Variants in CDH12 observed in about 807,000 individuals in gnomAD.
The protein encoded by CDH12 is cadherin 12.
A neutral mutation model predicts 74.1 loss-of-function variants in CDH12; 41 were observed. The observed-to-expected ratio is 0.55, with a 90% CI of 0.43 to 0.72. The LOEUF is 0.72. Ranked by LOEUF, CDH12 falls within the 30% of genes least tolerant of loss-of-function variation. The probability of loss-of-function intolerance (pLI) is 0.00; values close to 1 mark genes in which losing one functional copy is unlikely to be tolerated. For synonymous variants in CDH12, 399 were observed against 355.0 expected, an observed-to-expected ratio of 1.12 and a Z score of -1.39; for missense variants, 945 against 977.2, an observed-to-expected ratio of 0.97 and a Z score of 0.44.
At chr5:22,389,048 A>G (rs1742120034) in intron 3 of CDH12, among the ~76,000 whole-genome samples, 1 of 152,184 alleles carries the variant, frequency 6.6e-6, no homozygotes, top group African/African-American at 2.4e-5. Context: ...TCAATTTATG[A>G]CTAAGCCAAT....
chr5:22,343,325 G>C (rs2920750), intron 3 of CDH12, among the ~76,000 whole-genome samples: 5,926 of 104,998 alleles, frequency 0.056, 199 homozygotes, highest in African/African-American at 0.12. Context: ...CACACACACA[G>C]AGAGAGAGAG....
At chr5:22,550,689 CCATTCT>C (rs1738525166) in intron 1 of CDH12, among the ~76,000 whole-genome samples, 1 of 152,218 alleles carries the variant, frequency 6.6e-6, no homozygotes, top group African/African-American at 2.4e-5. Flanking sequence ...CCATTACAGA[CCATTCT>C]CCATCCAGCA....
rs187372354 is a variant in CDH12 at position 21,976,825 on chromosome 5, T to C, written c.232-1440A>G. On this transcript the variant is annotated intron_variant, in intron 5 of 14. Coordinates refer to ENST00000382254, the MANE Select transcript of CDH12 (RefSeq NM_004061.5). ...GAATGAGTTCTGTTTTCTTAACATT[T>C]CAACACACACACAAAAACTCTGAAA... 8.5e-5 allele frequency among the ~76,000 whole-genome samples: 13 copies of C among 152,178 alleles called. No individual in the cohort carries two copies. In the East Asian group the frequency reaches 1.2e-3, roughly 14 times the overall value.
intron 3 of CDH12, among the ~76,000 whole-genome samples, chr5:22,378,640 A>G (rs549110516): frequency 6.6e-6 from 1 of 152,222 alleles, no homozygotes; most frequent in East Asian, 1.9e-4. Context: ...CATTTATTGC[A>G]TGCATTTTGG....
chr5:22,843,005 C>T (rs1424566012), intron 1 of CDH12, among the ~76,000 whole-genome samples: 1 of 152,006 alleles, frequency 6.6e-6, no homozygotes, highest in African/African-American at 2.4e-5. Flanking sequence ...TTTGGCTTTA[C>T]TTTTTCAAAT....
At chr5:22,387,519 T>C (rs1258231476) in intron 3 of CDH12, among the ~76,000 whole-genome samples, 2 of 152,136 alleles carry the variant, frequency 1.3e-5, no homozygotes, top group Admixed American at 1.3e-4. Flanking sequence ...CCTTAATGAC[T>C]GGTATTGACT....
At chr5:22,652,519 C>T (rs1050741566) in intron 1 of CDH12, among the ~76,000 whole-genome samples, 2 of 152,104 alleles carry the variant, frequency 1.3e-5, no homozygotes, top group African/African-American at 2.4e-5. Flanking sequence ...CATTAAATGT[C>T]CTTTAGTTAT....
chr5:22,266,117 T>C (rs1736092502), intron 3 of CDH12, among the ~76,000 whole-genome samples: 2 of 151,750 alleles, frequency 1.3e-5, no homozygotes, highest in Non-Finnish European at 2.9e-5. Flanking sequence ...CTCTTGTCGC[T>C]TAAGCTGGAA....
chr5:21,875,783 A>ATTCTGGAC (rs1238289637), intron 6 of CDH12, among the ~76,000 whole-genome samples: 1 of 152,028 alleles, frequency 6.6e-6, no homozygotes, highest in Non-Finnish European at 1.5e-5. Flanking sequence ...TGATTGGAGC[A>ATTCTGGAC]TTCTGGACTC....
chr5:21,890,062 CACTT>C (rs149140932), intron 6 of CDH12, among the ~76,000 whole-genome samples: 374 of 152,284 alleles, frequency 2.5e-3, no homozygotes, highest in Non-Finnish European at 4.3e-3. Flanking sequence ...AAATGACTGA[CACTT>C]AAATGAATCA....
intron 1 of CDH12, among the ~76,000 whole-genome samples, chr5:22,749,350 A>C (rs1019999447): frequency 6.6e-6 from 1 of 152,248 alleles, no homozygotes; most frequent in African/African-American, 2.4e-5. Context: ...TTTGATTCAT[A>C]GAATGCTTTA....
intron 1 of CDH12, among the ~76,000 whole-genome samples, chr5:22,703,953 G>A (rs1742850355): frequency 6.6e-6 from 1 of 151,972 alleles, no homozygotes; most frequent in Non-Finnish European, 1.5e-5. Context: ...GACGTATTTG[G>A]AGTGACTGTG....
intron 8 of CDH12, among the ~76,000 whole-genome samples, chr5:21,836,462 A>AACACAC (rs60658949): frequency 0.067 from 9,619 of 143,418 alleles, 389 homozygotes; most frequent in African/African-American, 0.097. Context: ...TAGAAAGGAA[A>AACACAC]ACACACACAC....
At chr5:22,780,911 C>CA (rs1321492792) in intron 1 of CDH12, among the ~76,000 whole-genome samples, 1 of 152,090 alleles carries the variant, frequency 6.6e-6, no homozygotes, top group Non-Finnish European at 1.5e-5. Flanking sequence ...AGGAACAGCT[C>CA]ACTGTCAGCT....
chr5:22,519,125 C>A (rs1289141540), intron 1 of CDH12, among the ~76,000 whole-genome samples: 1 of 152,054 alleles, frequency 6.6e-6, no homozygotes, highest in Non-Finnish European at 1.5e-5. Context: ...TTGGGGTGCC[C>A]TTTTCTCAGG....
intron 5 of CDH12, among the ~76,000 whole-genome samples, chr5:22,039,334 C>A (rs1224942650): frequency 6.6e-6 from 1 of 152,092 alleles, no homozygotes; most frequent in East Asian, 1.9e-4. Context: ...TACTCCTGAA[C>A]CTAAGCTACT....
At chr5:22,692,299 C>G (rs1415780510) in intron 1 of CDH12, among the ~76,000 whole-genome samples, 1 of 152,144 alleles carries the variant, frequency 6.6e-6, no homozygotes, top group African/African-American at 2.4e-5. Flanking sequence ...GCCAAGTAAA[C>G]TTCTTTTTTG....
chr5:22,578,386 TGGG>T (rs57496264), intron 1 of CDH12, among the ~76,000 whole-genome samples: 35 of 145,820 alleles, frequency 2.4e-4, no homozygotes, highest in Admixed American at 1.1e-3. Flanking sequence ...TTTGTGTGTG[TGGG>T]GGGGGGGTGT....
At chr5:22,481,430 C>T (rs1466499499) in intron 2 of CDH12, among the ~76,000 whole-genome samples, 2 of 152,216 alleles carry the variant, frequency 1.3e-5, no homozygotes, top group Admixed American at 1.3e-4. Context: ...ACATAACTGG[C>T]AAGATACAGA....
Sources: gnomAD v4.1 joint callset for allele counts (sites outside exome capture counted in the v4.1 genomes callset) on GRCh38, gnomAD v4.1.1 for gene constraint, MANE v1.5 for transcripts, NCBI Gene and HGNC (gene_info 2026-07-23, HGNC 2026-07-21) for gene names.